Variants in DNAH11 observed in about 807,000 individuals in gnomAD.
The protein encoded by DNAH11 is axonemal beta dynein heavy chain 11.
DNAH11 carries 442 observed loss-of-function variants against 526.0 expected under a neutral mutation model. The observed-to-expected ratio is 0.84, with a 90% CI of 0.78 to 0.91. The LOEUF is 0.91. DNAH11 is among the 40% of genes least tolerant of loss of function. The pLI is 0.00. For synonymous variants in DNAH11, 2,461 were observed against 1,935.9 expected, an observed-to-expected ratio of 1.27 and a Z score of -7.12; for missense variants, 6,989 against 5,448.7, an observed-to-expected ratio of 1.28 and a Z score of -8.90.
In DNAH11 at chr7:21,739,634, T is replaced by A; in HGVS notation, c.7875T>A (p.Asn2625Lys). Residue 2625 changes from asparagine to lysine, a missense_variant, in exon 48 of 82, where the codon AAT (asparagine) becomes AAA (lysine). Coordinates refer to ENST00000409508, the MANE Select transcript of DNAH11 (RefSeq NM_001277115.2). ...IHNCQYVACMNPMVGSFTINP... is the reference protein window; with the variant it reads ...IHNCQYVACMKPMVGSFTINP... Reference sequence around the variant, plus strand: ...ACTGCCAGTATGTCGCCTGCATGAATCCGATGGTGGGCAGCTTCACCATCA... The same window carrying A: ...ACTGCCAGTATGTCGCCTGCATGAAACCGATGGTGGGCAGCTTCACCATCA... 1 of 1,612,904 alleles carries A rather than the reference T, an allele frequency of 6.2e-7. No homozygotes were observed. The highest frequency in any genetic ancestry group is 8.5e-7 in the Non-Finnish European group (1 of 1,179,470).
intron 79 of DNAH11, 47 bp from the exon 80 acceptor site, chr7:21,899,289 C>T: frequency 6.8e-7 from 1 of 1,481,402 alleles, no homozygotes; most frequent in Non-Finnish European, 9.4e-7. Context: ...TGGAAAATGG[C>T]TATTTTACTG....
At chr7:21,622,555 C>T (rs1355522284) in intron 25 of DNAH11, among the ~76,000 whole-genome samples, 1 of 152,168 alleles carries the variant, frequency 6.6e-6, no homozygotes, top group African/African-American at 2.4e-5. Flanking sequence ...CATCACACTA[C>T]CCGACTTCAA....
Position 21,616,386 on chromosome 7 carries a change from A to T in DNAH11, c.4095+94A>T, listed in dbSNP as rs553116147. ...TCTAGTATCTGGTGTATTGGGCTGC[A>T]TGTACTTATTTACTTCTAACAGAGT... On this transcript the variant is annotated intron_variant, in intron 22 of 81. Coordinates refer to ENST00000409508, the MANE Select transcript of DNAH11 (RefSeq NM_001277115.2). The T allele has an allele frequency of 4.3e-5, 41 of 963,478 alleles. No individual in the cohort carries two copies. In the East Asian group the frequency reaches 1.0e-3, roughly 24 times the overall value. The allele number at this position is 963,478 out of a possible 1,614,324, so 59.7% of individuals were successfully genotyped here.
chr7:21,682,888 A>C (rs577396431), intron 31 of DNAH11, among the ~76,000 whole-genome samples: 6 of 152,186 alleles, frequency 3.9e-5, no homozygotes, highest in Non-Finnish European at 7.4e-5. Context: ...CTAGTGAGCA[A>C]TATTCTTTAA....
intron 54 of DNAH11, among the ~76,000 whole-genome samples, chr7:21,762,140 G>T (rs1486846173): frequency 6.6e-6 from 1 of 152,112 alleles, no homozygotes; most frequent in African/African-American, 2.4e-5. Context: ...CTCCCAGTTG[G>T]TCCCTCCCTC....
At chr7:21,820,278 C>T (rs1185158773) in intron 65 of DNAH11, among the ~76,000 whole-genome samples, 1 of 152,168 alleles carries the variant, frequency 6.6e-6, no homozygotes, top group Non-Finnish European at 1.5e-5. Flanking sequence ...GGAAGCTACA[C>T]TTCCATAAGT....
chr7:21,760,501 T>C (rs1786851461), intron 54 of DNAH11, among the ~76,000 whole-genome samples: 1 of 152,180 alleles, frequency 6.6e-6, no homozygotes, highest in African/African-American at 2.4e-5. Context: ...ACATGACTGG[T>C]CAAGTTCCAA....
intron 65 of DNAH11, among the ~76,000 whole-genome samples, chr7:21,841,148 C>T (rs937857297): frequency 2.6e-5 from 4 of 152,112 alleles, no homozygotes; most frequent in African/African-American, 7.2e-5. Context: ...TGTACCATTG[C>T]ATTTCAGCCT....
chr7:21,671,062 G>T (rs1374711380), intron 30 of DNAH11, among the ~76,000 whole-genome samples: 2 of 152,104 alleles, frequency 1.3e-5, no homozygotes, highest in East Asian at 1.9e-4. Flanking sequence ...TATCTATTTT[G>T]TGAAAGAGCT....
Position 21,543,616 on chromosome 7 carries a change from G to T in DNAH11, c.351+20G>T, listed in dbSNP as rs1782675498. On this transcript the variant is annotated intron_variant, in intron 1 of 81. Transcript: ENST00000409508. ...CAGGAGGTAAGAGGCGACGGGCAAG[G>T]GGACCTGCCCATCCAACAAAACTAC... The T allele has an allele frequency of 6.4e-7, 1 of 1,566,946 alleles. No individual in the cohort carries two copies. Among genetic ancestry groups the T allele is most frequent in the Admixed American group, 1.9e-5 (1 of 52,866 alleles).
chr7:21,693,012 T>C (rs1055826338), intron 35 of DNAH11, among the ~76,000 whole-genome samples: 1 of 152,238 alleles, frequency 6.6e-6, no homozygotes, highest in Non-Finnish European at 1.5e-5. Flanking sequence ...CTTTGTTAGA[T>C]ACATACATTG....
intron 12 of DNAH11, among the ~76,000 whole-genome samples, chr7:21,590,188 A>C (rs7805701): frequency 6.6e-6 from 1 of 151,958 alleles, no homozygotes; most frequent in Admixed American, 6.6e-5. Context: ...TAATTATACA[A>C]TATGTGCATA....
Position 21,710,724 on chromosome 7 carries a change from C to G in DNAH11, c.6834+21C>G, listed in dbSNP as rs759060795. The G allele has an allele frequency of 3.8e-5, 61 of 1,599,114 alleles. No homozygotes were observed. In the East Asian group the frequency reaches 1.4e-3, roughly 36 times the overall value. On this transcript the variant is annotated intron_variant, in intron 41 of 81. Transcript: ENST00000409508. The stretch of plus-strand genomic sequence containing the variant: ...ACAAGGTGAATAAAACCTCTGTTCT[C>G]AACCTTAAATATAACATCCTGAGTG...
chr7:21,591,625 C>T (rs1394113177), intron 14 of DNAH11, 48 bp downstream of exon 14: 55 of 1,455,374 alleles, frequency 3.8e-5, no homozygotes, highest in Non-Finnish European at 4.6e-5. Flanking sequence ...TCATTGAGTT[C>T]AGAGAAGAGC....
At chr7:21,588,374 C>A in intron 10 of DNAH11, 138 bp from the exon 11 acceptor site, 1 of 1,328,624 alleles carries the variant, frequency 7.5e-7, no homozygotes, top group Non-Finnish European at 1.0e-6. Context: ...GACTGTAACT[C>A]TTCTAGTAAT....
intron 57 of DNAH11, among the ~76,000 whole-genome samples, chr7:21,780,846 G>A (rs547089075): frequency 4.6e-5 from 7 of 152,110 alleles, no homozygotes; most frequent in African/African-American, 9.7e-5. Context: ...AGACTATTAG[G>A]GATATTTGAC....
intron 42 of DNAH11, among the ~76,000 whole-genome samples, chr7:21,715,203 A>G (rs1319427207): frequency 1.3e-5 from 2 of 152,194 alleles, no homozygotes; most frequent in Non-Finnish European, 2.9e-5. Flanking sequence ...AATTCCTTCT[A>G]TCCTATACAA....
At chr7:21,794,920 G>A (rs186482297) in intron 61 of DNAH11, among the ~76,000 whole-genome samples, 1 of 152,264 alleles carries the variant, frequency 6.6e-6, no homozygotes, top group African/African-American at 2.4e-5. Context: ...TGCAGTACCT[G>A]AGTAGATTTT....
At chr7:21,750,701 C>T (rs1180791633) in intron 54 of DNAH11, among the ~76,000 whole-genome samples, 1 of 152,164 alleles carries the variant, frequency 6.6e-6, no homozygotes, top group African/African-American at 2.4e-5. Context: ...CAGAGGAGCG[C>T]AGCATCCTTC....
Sources: allele counts gnomAD v4.1 joint callset (sites outside exome capture counted in the v4.1 genomes callset), GRCh38; gene constraint gnomAD v4.1.1; transcripts MANE v1.5; gene names NCBI Gene and HGNC (gene_info 2026-07-23, HGNC 2026-07-21).